The following AFAP1L2 variants were observed in gnomAD, a reference collection of about 807,000 sequenced individuals.
AFAP1L2 encodes actin filament-associated protein 1-like 2.
A neutral mutation model predicts 99.3 loss-of-function variants in AFAP1L2; 46 were observed. The ratio of observed to expected loss-of-function variants is 0.46; its 90% confidence interval spans 0.37 to 0.59. The LOEUF (loss-of-function observed/expected upper bound fraction) is 0.59, where lower values mean the gene tolerates loss of function less well. AFAP1L2 is among the 20% of genes least tolerant of loss of function. AFAP1L2 has a pLI of 0.00. For missense variants in AFAP1L2, 959 were observed against 1,034.9 expected, an observed-to-expected ratio of 0.93 and a Z score of 1.01; for synonymous variants, 397 against 419.1, an observed-to-expected ratio of 0.95 and a Z score of 0.64.
intron 1 of AFAP1L2, among the ~76,000 whole-genome samples, chr10:114,384,064 C>T (rs1245340526): frequency 2.0e-5 from 3 of 152,202 alleles, no homozygotes; most frequent in East Asian, 1.9e-4. Context: ...ACATGGTCTG[C>T]CCTAAAAGGA....
chr10:114,384,099 C>G (rs976872025), intron 1 of AFAP1L2, among the ~76,000 whole-genome samples: 1 of 152,280 alleles, frequency 6.6e-6, no homozygotes. Context: ...ACCCCATGAT[C>G]CAGTGACAAC....
intron 1 of AFAP1L2, among the ~76,000 whole-genome samples, chr10:114,345,096 CAAA>C (rs546367453): frequency 1.3e-5 from 1 of 78,498 alleles, no homozygotes. Context: ...GACTCCATCT[CAAA>C]AAAAAAAAAA....
chr10:114,397,399 T>C (rs553065470), intron 1 of AFAP1L2, among the ~76,000 whole-genome samples: 1 of 152,348 alleles, frequency 6.6e-6, no homozygotes, highest in Admixed American at 6.5e-5. Context: ...CTTAGCATAC[T>C]GGTGTGTATC....
intron 8 of AFAP1L2, among the ~76,000 whole-genome samples, chr10:114,308,735 G>C (rs2042784413): frequency 6.6e-6 from 1 of 152,228 alleles, no homozygotes; most frequent in African/African-American, 2.4e-5. Context: ...TGACCCTGTA[G>C]CCAGTGGGCA....
chr10:114,314,011 C>T lies in AFAP1L2; in HGVS notation c.652G>A (p.Val218Met), dbSNP rs561584886. Residue 218 changes from valine (V) to methionine (M), a missense_variant, in exon 7 of 19, where the codon GTG becomes ATG. Physicochemically the swap from Val to Met is conservative, Grantham distance 21 (BLOSUM62 1). Transcript: ENST00000304129. ...ATGACGCTGCTGCCCAGTAGGTTCA[C>T]GTCCAGCTGAGGGCTGTGGTCCTTG... Reference protein sequence around the residue: ...SSKDHSPQLDVNLLGSSVIHK... With the variant: ...SSKDHSPQLDMNLLGSSVIHK... 3.1e-6 allele frequency: 5 copies of T among 1,613,954 alleles called. No individual in the cohort carries two copies. Among genetic ancestry groups the T allele is most frequent in the African/African-American group, 1.3e-5 (1 of 75,024 alleles).
Position 114,300,351 on chromosome 10 carries a change from A to C in AFAP1L2, c.1800T>G (p.Ser600Arg). The change falls in exon 15 of 19, where the codon AGT (serine) becomes AGG (arginine). Residue 600 changes from serine (S) to arginine (R), a missense_variant. Around this residue, in one of 2 missense-constraint regions of AFAP1L2, gnomAD observed 576 missense variants for 562.1 expected, o/e 1.02. Transcript: ENST00000304129. ...TCAGGGAAGGATCCTCTGGCTCCAA[A>C]CTCTCCAGCTGCTTTGGGGGAAAGC... is the stretch of plus-strand genomic sequence containing the variant. ...PENLGEQQLE[S>R]LEPEDPSLRI... 1 of 1,614,038 alleles carries C rather than the reference A, an allele frequency of 6.2e-7. No individual in the cohort carries two copies.
intron 1 of AFAP1L2, among the ~76,000 whole-genome samples, chr10:114,357,552 A>C (rs1405852818): frequency 1.3e-5 from 2 of 152,242 alleles, no homozygotes; most frequent in African/African-American, 4.8e-5. Flanking sequence ...TTGGATATGC[A>C]ATATGGAATA....
At chr10:114,292,862 T>C (rs2039728776), downstream of AFAP1L2, among the ~76,000 whole-genome samples, 1 of 152,030 alleles carries the variant, frequency 6.6e-6, no homozygotes, top group Non-Finnish European at 1.5e-5. Context: ...GGTGCCACCA[T>C]GCCTAGCTAA....
intron 2 of AFAP1L2, among the ~76,000 whole-genome samples, chr10:114,334,078 T>C (rs773485581): frequency 1.1e-4 from 17 of 152,174 alleles, no homozygotes; most frequent in Non-Finnish European, 2.4e-4. Flanking sequence ...AGCCAAATCA[T>C]GTGATTTCTG....
intron 7 of AFAP1L2, among the ~76,000 whole-genome samples, chr10:114,312,923 CA>C: frequency 6.6e-6 from 1 of 152,276 alleles, no homozygotes; most frequent in South Asian, 2.1e-4. Context: ...CTGCCTGCTC[CA>C]AATCTAGGAT....
At chr10:114,284,747 AG>A in the AFAP1L2 span, 2 of 903,114 alleles carry the variant, frequency 2.2e-6, no homozygotes, top group Non-Finnish European at 3.3e-6. Flanking sequence ...CTGTGGGGGA[AG>A]GGAGGGGCTG....
chr10:114,344,181 C>T (rs11594144), intron 1 of AFAP1L2, among the ~76,000 whole-genome samples: 2,476 of 152,266 alleles, frequency 0.016, 40 homozygotes, highest in Middle Eastern at 0.044. Flanking sequence ...CATGTTCTCC[C>T]AACTAAAAGG....
chr10:114,385,201 C>G (rs1024682524), intron 1 of AFAP1L2, among the ~76,000 whole-genome samples: 1 of 152,040 alleles, frequency 6.6e-6, no homozygotes, highest in African/African-American at 2.4e-5. Flanking sequence ...AGGGACAGGA[C>G]ATGGAGACAG....
chr10:114,294,605 T>C (rs943195234), downstream of AFAP1L2, among the ~76,000 whole-genome samples: 21 of 152,238 alleles, frequency 1.4e-4, no homozygotes, highest in African/African-American at 5.1e-4. Context: ...CATTCACTTA[T>C]ATATGATCAA....
chr10:114,324,840 G>T (rs2046003960), intron 4 of AFAP1L2, among the ~76,000 whole-genome samples: 2 of 152,130 alleles, frequency 1.3e-5, no homozygotes, highest in South Asian at 4.1e-4. Flanking sequence ...AGAGGGTAAT[G>T]CTAGGAATCC....
At chr10:114,290,174 G>A, downstream of AFAP1L2, 1 of 1,537,332 alleles carries the variant, frequency 6.5e-7, no homozygotes, top group Non-Finnish European at 8.8e-7. Context: ...GGCTTACTTA[G>A]GGTAGGGGTC....
intron 1 of AFAP1L2, among the ~76,000 whole-genome samples, chr10:114,347,311 G>A (rs191596202): frequency 2.2e-4 from 33 of 152,268 alleles, no homozygotes; most frequent in African/African-American, 7.9e-4. Context: ...TTCTCAAGAT[G>A]AGCTTCTGGA....
intron 9 of AFAP1L2, 52 bp from the exon 10 acceptor site, chr10:114,307,961 GC>G: frequency 6.5e-7 from 1 of 1,532,284 alleles, no homozygotes; most frequent in Non-Finnish European, 9.0e-7. Flanking sequence ...CCACCCACGT[GC>G]CCATGAGAGA....
intron 4 of AFAP1L2, among the ~76,000 whole-genome samples, chr10:114,324,459 C>A (rs546641422): frequency 5.5e-5 from 8 of 145,338 alleles, no homozygotes; most frequent in African/African-American, 1.6e-4. Context: ...ATCATGTTGG[C>A]CAGGCTGGTC....
Sources: gnomAD v4.1 joint callset for allele counts (sites outside exome capture counted in the v4.1 genomes callset) on GRCh38, gnomAD v4.1.1 for gene constraint, gnomAD v4.1.1 regional missense constraint, MANE v1.5 for transcripts, NCBI Gene and HGNC (gene_info 2026-07-23, HGNC 2026-07-21) for gene names.